TRPC6: variants seen among roughly 807,000 people sequenced by gnomAD.
TRPC6 encodes the protein short transient receptor potential channel 6.
A neutral mutation model predicts 90.7 loss-of-function variants in TRPC6; 55 were observed. The observed-to-expected ratio is 0.61, with a 90% confidence interval of 0.49 to 0.76. The LOEUF is 0.76. Ranked by LOEUF, TRPC6 falls within the 30% of genes least tolerant of loss-of-function variation. The probability of loss-of-function intolerance (pLI) is 0.00; values close to 1 mark genes in which losing one functional copy is unlikely to be tolerated. For synonymous variants in TRPC6, 393 were observed against 393.0 expected, an observed-to-expected ratio of 1.00 and a Z score of 0.00; for missense variants, 989 against 1,122.7, an observed-to-expected ratio of 0.88 and a Z score of 1.70.
intron 1 of TRPC6, among the ~76,000 whole-genome samples, chr11:101,556,815 A>G (rs936267651): frequency 3.3e-5 from 5 of 152,120 alleles, no homozygotes; most frequent in African/African-American, 1.2e-4. Context: ...AACAAAATAT[A>G]CAAGCAAACA....
chr11:101,492,391 C>T (rs1591083733), intron 2 of TRPC6, among the ~76,000 whole-genome samples: 1 of 152,198 alleles, frequency 6.6e-6, no homozygotes. Flanking sequence ...GGAGACCAGC[C>T]TGAGCAACAT....
At chr11:101,557,024 A>T (rs77355171) in intron 1 of TRPC6, among the ~76,000 whole-genome samples, 3,383 of 152,226 alleles carry the variant, frequency 0.022, 140 homozygotes, top group African/African-American at 0.077. Flanking sequence ...CATGATAAAA[A>T]CTCTTACCAG....
chr11:101,472,966 T>G (rs1313623557), intron 7 of TRPC6, among the ~76,000 whole-genome samples: 1 of 131,552 alleles, frequency 7.6e-6, no homozygotes, highest in African/African-American at 3.6e-5. Flanking sequence ...CAAACACACT[T>G]TATGAAAAAA....
At chr11:101,493,509 A>C (rs1859876561) in intron 2 of TRPC6, among the ~76,000 whole-genome samples, 1 of 152,124 alleles carries the variant, frequency 6.6e-6, no homozygotes, top group South Asian at 2.1e-4. Context: ...TTTAAACCTA[A>C]ATCTGCTTGG....
intron 5 of TRPC6, among the ~76,000 whole-genome samples, chr11:101,480,661 G>A (rs920296953): frequency 8.0e-5 from 12 of 149,616 alleles, no homozygotes; most frequent in African/African-American, 2.3e-4. Context: ...AGCACTTCTT[G>A]TAAAAGTGAC....
intron 1 of TRPC6, among the ~76,000 whole-genome samples, chr11:101,532,151 G>A (rs1860924739): frequency 6.6e-6 from 1 of 152,222 alleles, no homozygotes. Flanking sequence ...AATCTTCAGA[G>A]TATCTCAATG....
intron 1 of TRPC6, among the ~76,000 whole-genome samples, chr11:101,529,002 C>G (rs570149493): frequency 1.3e-5 from 2 of 151,916 alleles, no homozygotes; most frequent in African/African-American, 4.8e-5. Context: ...GGATAGACAC[C>G]ATTTTTCTCC....
chr11:101,577,412 T>C (rs1862093088), intron 1 of TRPC6, among the ~76,000 whole-genome samples: 1 of 152,160 alleles, frequency 6.6e-6, no homozygotes, highest in Non-Finnish European at 1.5e-5. Flanking sequence ...CCCTTTGGGG[T>C]CAGAGAGTAA....
intron 1 of TRPC6, among the ~76,000 whole-genome samples, chr11:101,512,822 A>C (rs530300958): frequency 1.3e-5 from 2 of 152,324 alleles, no homozygotes; most frequent in South Asian, 4.1e-4. Context: ...GAAGAGGTTT[A>C]AATTCTTTGC....
At chr11:101,509,368 G>A (rs1245473727) in intron 1 of TRPC6, among the ~76,000 whole-genome samples, 1 of 151,872 alleles carries the variant, frequency 6.6e-6, no homozygotes, top group Non-Finnish European at 1.5e-5. Flanking sequence ...AACATACTGG[G>A]ATTACAGGTA....
rs1378815480 is a variant in TRPC6 at position 101,546,171 on chromosome 11, A to G, written c.170+37163T>C. On this transcript the variant is annotated intron_variant, in intron 1 of 12. Transcript: ENST00000344327. Reference sequence around the variant, plus strand: ...ACTGCAAGCTCCGCTTCCCGGGTTCACGCCATTCTCCTGCCTCAGCCTCCC... The same window carrying G: ...ACTGCAAGCTCCGCTTCCCGGGTTCGCGCCATTCTCCTGCCTCAGCCTCCC... Among the ~76,000 whole-genome samples, 2 of 90,634 alleles carry G rather than the reference A, an allele frequency of 2.2e-5. 1 individual carries two copies. The highest frequency in any genetic ancestry group is 4.4e-5 in the Non-Finnish European group (2 of 45,462). 59.5% of individuals were successfully genotyped at this position (90,634 alleles called of 152,430 possible).
chr11:101,550,739 G>C (rs544901616), intron 1 of TRPC6, among the ~76,000 whole-genome samples: 2 of 151,760 alleles, frequency 1.3e-5, no homozygotes, highest in East Asian at 3.9e-4. Flanking sequence ...ACACAACATG[G>C]AGAGTATGTG....
At chr11:101,485,430 T>A (rs1859656451) in intron 4 of TRPC6, among the ~76,000 whole-genome samples, 1 of 152,168 alleles carries the variant, frequency 6.6e-6, no homozygotes, top group Non-Finnish European at 1.5e-5. Context: ...TAAACATCAA[T>A]GTTATATTTC....
intron 1 of TRPC6, among the ~76,000 whole-genome samples, chr11:101,509,970 G>A (rs1183640191): frequency 2.6e-5 from 4 of 152,050 alleles, no homozygotes; most frequent in Non-Finnish European, 5.9e-5. Context: ...ACAACAGCAG[G>A]CACAATGAAT....
intron 1 of TRPC6, among the ~76,000 whole-genome samples, chr11:101,548,455 C>T (rs1422446267): frequency 2.3e-5 from 2 of 85,150 alleles, no homozygotes; most frequent in South Asian, 5.4e-4. Context: ...ATTATATATA[C>T]TGATATATAT....
chr11:101,525,431 T>C (rs889249022), intron 1 of TRPC6, among the ~76,000 whole-genome samples: 2 of 152,150 alleles, frequency 1.3e-5, no homozygotes, highest in African/African-American at 4.8e-5. Context: ...TTTCAGGACA[T>C]GGTGATGAAT....
intron 2 of TRPC6, among the ~76,000 whole-genome samples, chr11:101,502,937 A>G (rs1262714190): frequency 3.3e-5 from 5 of 150,730 alleles, no homozygotes; most frequent in Non-Finnish European, 5.9e-5. Flanking sequence ...TCAAGAAAAG[A>G]GTATAGAAAC....
intron 1 of TRPC6, among the ~76,000 whole-genome samples, chr11:101,577,470 G>A (rs116935672): frequency 6.6e-6 from 1 of 152,234 alleles, no homozygotes; most frequent in East Asian, 1.9e-4. Context: ...TAAAGGAGTA[G>A]ACATATCTAA....
At chr11:101,557,039 C>T (rs749493078) in intron 1 of TRPC6, among the ~76,000 whole-genome samples, 7 of 152,056 alleles carry the variant, frequency 4.6e-5, no homozygotes, top group Admixed American at 1.3e-4. Flanking sequence ...TACCAGATTA[C>T]GTATAGAAGA....
Sources: allele counts gnomAD v4.1 joint callset (sites outside exome capture counted in the v4.1 genomes callset), GRCh38; gene constraint gnomAD v4.1.1; transcripts MANE v1.5; gene names NCBI Gene and HGNC (gene_info 2026-07-23, HGNC 2026-07-21).